The following DCC variants were observed in gnomAD, a reference collection of about 807,000 sequenced individuals.
DCC encodes the protein DCC netrin 1 receptor.
A neutral mutation model predicts 172.5 loss-of-function variants in DCC; 58 were observed. The observed-to-expected ratio is 0.34, with a 90% confidence interval of 0.27 to 0.42. The LOEUF is 0.42. Among genes scored for constraint, DCC ranks in the 10% least tolerant of loss-of-function variants. The probability of loss-of-function intolerance (pLI) is 1.00; values close to 1 mark genes in which losing one functional copy is unlikely to be tolerated. For synonymous variants in DCC, 709 were observed against 644.5 expected (o/e 1.10, Z -1.52); for missense variants, 1,740 against 1,791.0 (o/e 0.97, Z 0.51).
In DCC at chr18:53,025,964, T is replaced by C. The variant is rs536494796; in HGVS notation, c.986-37341T>C. 1.2e-4 allele frequency among the ~76,000 whole-genome samples: 18 copies of C among 152,168 alleles called. No homozygotes were observed. The South Asian group carries it at 3.5e-3, about 30-fold the overall frequency. ...AAAATCTTTATACTGTTTATAGATTTTCATAATTAGAATAATTCCCTGTGA... is the reference window on the plus strand; with the variant it reads ...AAAATCTTTATACTGTTTATAGATTCTCATAATTAGAATAATTCCCTGTGA... On this transcript the variant is annotated intron_variant, in intron 5 of 28. Transcript: ENST00000442544.
chr18:53,519,508 T>A (rs893213926), intron 27 of DCC, among the ~76,000 whole-genome samples: 3 of 149,934 alleles, frequency 2.0e-5, no homozygotes, highest in African/African-American at 7.3e-5. Context: ...CTTGAGCACC[T>A]CCCTCTCCCA....
At chr18:52,818,910 C>T (rs1385098684) in intron 2 of DCC, among the ~76,000 whole-genome samples, 1 of 152,188 alleles carries the variant, frequency 6.6e-6, no homozygotes. Context: ...CTATCAATTA[C>T]ATCTAAGACT....
At chr18:53,194,049 G>A (rs1252019785) in intron 9 of DCC, among the ~76,000 whole-genome samples, 1 of 152,132 alleles carries the variant, frequency 6.6e-6, no homozygotes, top group Non-Finnish European at 1.5e-5. Flanking sequence ...AGCCAATTTT[G>A]AGAAAGGTTG....
intron 2 of DCC, among the ~76,000 whole-genome samples, chr18:52,879,267 G>T (rs574252325): frequency 6.6e-6 from 1 of 152,064 alleles, no homozygotes; most frequent in East Asian, 1.9e-4. Flanking sequence ...GTGCCCCCTG[G>T]GGCTGTGTCT....
chr18:53,201,845 T>C (rs2055542193), intron 9 of DCC, among the ~76,000 whole-genome samples: 1 of 152,102 alleles, frequency 6.6e-6, no homozygotes, highest in South Asian at 2.1e-4. Context: ...GAGACACTCA[T>C]AAAGTGTCTG....
At chr18:52,735,405 A>G (rs1417270591) in intron 1 of DCC, among the ~76,000 whole-genome samples, 1 of 152,136 alleles carries the variant, frequency 6.6e-6, no homozygotes, top group Non-Finnish European at 1.5e-5. Flanking sequence ...CTCTAAAGAG[A>G]CAGAACTAAC....
At chr18:52,461,400 G>T (rs1471016929) in intron 1 of DCC, among the ~76,000 whole-genome samples, 2 of 152,110 alleles carry the variant, frequency 1.3e-5, no homozygotes, top group Non-Finnish European at 2.9e-5. Flanking sequence ...ACAAGTAGAA[G>T]TCATACACTC....
At chr18:52,762,458 G>A (rs2037176719) in intron 2 of DCC, among the ~76,000 whole-genome samples, 1 of 147,812 alleles carries the variant, frequency 6.8e-6, no homozygotes, top group Non-Finnish European at 1.5e-5. Context: ...GAGTGACAGA[G>A]TGAGACCTTA....
chr18:53,295,687 A>C (rs575396530), intron 12 of DCC, among the ~76,000 whole-genome samples: 1 of 152,296 alleles, frequency 6.6e-6, no homozygotes, highest in East Asian at 1.9e-4. Context: ...CTTTGTTTCT[A>C]TATCCTCTGA....
chr18:52,997,362 G>A (rs995583397), intron 5 of DCC, among the ~76,000 whole-genome samples: 3 of 152,134 alleles, frequency 2.0e-5, no homozygotes, highest in African/African-American at 7.2e-5. Flanking sequence ...GGGTAAAAGA[G>A]TTTGTCCAAG....
At chr18:52,409,426 G>GT (rs1198068734) in intron 1 of DCC, among the ~76,000 whole-genome samples, 2 of 152,058 alleles carry the variant, frequency 1.3e-5, no homozygotes, top group East Asian at 1.9e-4. Flanking sequence ...ATATTCAACT[G>GT]TTTTTTCTTA....
intron 2 of DCC, among the ~76,000 whole-genome samples, chr18:52,817,154 A>G (rs751297351): frequency 1.1e-4 from 17 of 152,338 alleles, no homozygotes; most frequent in Non-Finnish European, 2.1e-4. Context: ...TACCAGAAAT[A>G]CCAGAAAATC....
chr18:52,700,583 T>C, intron 1 of DCC, among the ~76,000 whole-genome samples: 1 of 152,238 alleles, frequency 6.6e-6, no homozygotes, highest in East Asian at 1.9e-4. Flanking sequence ...GATTATCTTA[T>C]GAATATGGGC....
chr18:52,881,958 T>C (rs2039492469), intron 2 of DCC, among the ~76,000 whole-genome samples: 1 of 152,142 alleles, frequency 6.6e-6, no homozygotes, highest in Non-Finnish European at 1.5e-5. Flanking sequence ...TATTTTTGTA[T>C]GTCTTCTTTA....
rs537258307 is a variant in DCC at position 52,539,475 on chromosome 18, C to T, written c.91+198597C>T. Reference sequence around the variant, plus strand: ...AGCATTACCACCTGAGCTCCGCCTCCTCTCAGATCAGTGGCAGCATTAGAT... The same window carrying T: ...AGCATTACCACCTGAGCTCCGCCTCTTCTCAGATCAGTGGCAGCATTAGAT... On this transcript the variant is annotated intron_variant, in intron 1 of 28. Transcript: ENST00000442544. Among the ~76,000 whole-genome samples, 9 of 152,302 alleles carry T rather than the reference C, an allele frequency of 5.9e-5. No individual in the cohort carries two copies. The South Asian group carries it at 1.9e-3, about 32-fold the overall frequency.
chr18:53,076,521 G>C (rs895286012), intron 7 of DCC, among the ~76,000 whole-genome samples: 4 of 152,134 alleles, frequency 2.6e-5, no homozygotes, highest in Admixed American at 2.6e-4. Flanking sequence ...GTTGATATGT[G>C]ATAGGATTAG....
At chr18:53,404,649 T>G (rs1909541224) in intron 19 of DCC, among the ~76,000 whole-genome samples, 1 of 151,818 alleles carries the variant, frequency 6.6e-6, no homozygotes, top group Admixed American at 6.6e-5. Flanking sequence ...GAGAATAGCA[T>G]GAACCCACGA....
At chr18:52,714,249 A>G (rs1213437380) in intron 1 of DCC, among the ~76,000 whole-genome samples, 3 of 150,780 alleles carry the variant, frequency 2.0e-5, no homozygotes, top group Admixed American at 6.6e-5. Context: ...TCTCAGAGCC[A>G]CTGCAAACTT....
chr18:52,493,190 A>T (rs1221984), intron 1 of DCC, among the ~76,000 whole-genome samples: 150,960 of 152,118 alleles, frequency 0.99, 74,914 homozygotes, highest in Middle Eastern at 1. Flanking sequence ...TTTTCCAGGG[A>T]GTGATAGAAA....
Sources: gnomAD v4.1 joint callset for allele counts (sites outside exome capture counted in the v4.1 genomes callset) on GRCh38, gnomAD v4.1.1 for gene constraint, MANE v1.5 for transcripts, NCBI Gene and HGNC (gene_info 2026-07-23, HGNC 2026-07-21) for gene names.